ENTPD7: variants seen among roughly 807,000 people sequenced by gnomAD.
ENTPD7 encodes NTPDase 7.
A neutral mutation model predicts 77.9 loss-of-function variants in ENTPD7; 53 were observed. The ratio of observed to expected loss-of-function variants is 0.68; its 90% CI spans 0.55 to 0.85. The LOEUF (loss-of-function observed/expected upper bound fraction) is 0.85. Ranked by LOEUF, ENTPD7 falls within the 40% of genes least tolerant of loss-of-function variation. ENTPD7 has a pLI of 0.00. For missense variants in ENTPD7, 636 were observed against 743.7 expected, an observed-to-expected ratio of 0.86 and a Z score of 1.68; for synonymous variants, 248 against 274.9, an observed-to-expected ratio of 0.90 and a Z score of 0.97.
At chr10:99,695,053 A>G (rs2035948698) in intron 8 of ENTPD7, among the ~76,000 whole-genome samples, 1 of 152,232 alleles carries the variant, frequency 6.6e-6, no homozygotes, top group Admixed American at 6.5e-5. Context: ...AAATAAAGCA[A>G]AAGAGAGGCT....
At chr10:99,672,288 A>G (rs116296169) in intron 3 of ENTPD7, among the ~76,000 whole-genome samples, 1,508 of 146,408 alleles carry the variant, frequency 0.01, 21 homozygotes, top group Middle Eastern at 0.046. Context: ...TCTGTCCCAC[A>G]TTTATTCAGT....
intron 11 of ENTPD7, among the ~76,000 whole-genome samples, 192 bp downstream of exon 11, chr10:99,701,250 CCAAA>C (rs1369786154): frequency 2.6e-5 from 4 of 151,692 alleles, no homozygotes; most frequent in Non-Finnish European, 4.4e-5. Context: ...TCAGTGGTTA[CCAAA>C]CAGAGTTCTC....
chr10:99,703,765 G>A (rs1347995323), intron 12 of ENTPD7, among the ~76,000 whole-genome samples: 1 of 152,146 alleles, frequency 6.6e-6, no homozygotes, highest in African/African-American at 2.4e-5. Context: ...TGCCCAGGCT[G>A]AGTGTGGTGG....
chr10:99,697,635 A>C (rs141968340), intron 9 of ENTPD7: 1 of 156,564 alleles, frequency 6.4e-6, no homozygotes, highest in African/African-American at 2.4e-5. Context: ...CAATTTTCTG[A>C]GTTTTCCTTA....
intron 5 of ENTPD7, among the ~76,000 whole-genome samples, chr10:99,685,342 C>T (rs527244640): frequency 1.3e-5 from 2 of 152,286 alleles, no homozygotes; most frequent in African/African-American, 4.8e-5. Flanking sequence ...TAATGTGAAG[C>T]ATTGTTTCTA....
At chr10:99,699,799 C>G (rs2036073411) in intron 10 of ENTPD7, among the ~76,000 whole-genome samples, 1 of 152,164 alleles carries the variant, frequency 6.6e-6, no homozygotes, top group Non-Finnish European at 1.5e-5. Flanking sequence ...CTCCTGGCCT[C>G]AGGTGATCTG....
At position 99,675,556 on chromosome 10, in the gene ENTPD7, G is replaced by C. The variant is rs532185081; in HGVS notation, c.192-3705G>C. On this transcript the variant is annotated intron_variant, in intron 3 of 12. Coordinates refer to ENST00000370489, the MANE Select transcript of ENTPD7 (RefSeq NM_020354.5). ...CCAATTGCAACTCATCTTTTTTTAG[G>C]GGGGTGGGGTGGGGTGGGGTTTAGA... 4.0e-5 allele frequency among the ~76,000 whole-genome samples: 6 copies of C among 148,940 alleles called. No homozygotes were observed. The East Asian group carries it at 1.2e-3, about 29-fold the overall frequency.
At chr10:99,690,131 C>G (rs1374706417) in intron 7 of ENTPD7, among the ~76,000 whole-genome samples, 1 of 152,022 alleles carries the variant, frequency 6.6e-6, no homozygotes, top group Non-Finnish European at 1.5e-5. Context: ...TTAATATGAC[C>G]CCAATACTCT....
chr10:99,674,274 G>A (rs748684021), intron 3 of ENTPD7, among the ~76,000 whole-genome samples: 48 of 152,158 alleles, frequency 3.2e-4, no homozygotes, highest in African/African-American at 1.1e-3. Flanking sequence ...CTGTGAGGGT[G>A]AAACTATTTT....
At chr10:99,663,522 C>T (rs1034539730) in intron 3 of ENTPD7, among the ~76,000 whole-genome samples, 4 of 149,204 alleles carry the variant, frequency 2.7e-5, no homozygotes, top group Non-Finnish European at 5.9e-5. Flanking sequence ...TGCAATGGTG[C>T]AATCATAGCC....
At position 99,691,162 on chromosome 10, in the gene ENTPD7, A is replaced by T. The variant is rs200496455; in HGVS notation, c.710-223A>T. On this transcript the variant is annotated intron_variant, in intron 7 of 12. Coordinates refer to ENST00000370489, the MANE Select transcript of ENTPD7 (RefSeq NM_020354.5). ...CCACCATGCCCAGCTAATTAAAAAA[A>T]ATTTTTTTTTTTTATGAGAGTGTCT... Among the ~76,000 whole-genome samples, 986 of 151,224 alleles carry T rather than the reference A, an allele frequency of 6.5e-3. 4 individuals carry two copies. The highest frequency in any genetic ancestry group is 0.011 in the East Asian group (55 of 5,148).
At chr10:99,685,186 G>A (rs2035796892) in intron 5 of ENTPD7, among the ~76,000 whole-genome samples, 1 of 152,200 alleles carries the variant, frequency 6.6e-6, no homozygotes, top group South Asian at 2.1e-4. Flanking sequence ...GAACCTGGGA[G>A]GCAGAGGTTG....
In ENTPD7 at chr10:99,679,298, A is replaced by G; in HGVS notation, c.229A>G (p.Thr77Ala). The G allele has an allele frequency of 6.2e-7, 1 of 1,614,156 alleles. No homozygotes were observed. The highest frequency in any genetic ancestry group is 8.5e-7 in the Non-Finnish European group (1 of 1,180,022). ...AGTAGGGGAGCTTGAAGCTACTGAC[A>G]CTGAAGACCCAAATCTGAATTATGG... ...ARVGELEATD[T>A]EDPNLNYGLV... The change falls in exon 4 of 13, where the codon ACT (threonine) becomes GCT (alanine). Residue 77 changes from threonine (T) to alanine (A), a missense_variant. This residue lies in a region of ENTPD7 where 486 missense variants were observed against 556.5 expected (regional missense o/e 0.87). Coordinates refer to ENST00000370489, the MANE Select transcript of ENTPD7 (RefSeq NM_020354.5).
At position 99,708,832 on chromosome 10, in the gene ENTPD7, CT is replaced by C; in HGVS notation, c.*4152del. The C allele has an allele frequency of 1.0e-6, 1 of 985,436 alleles. No homozygotes were observed. The highest frequency in any genetic ancestry group is 1.2e-6 in the Non-Finnish European group (1 of 829,916). 61.0% of individuals were successfully genotyped at this position (985,436 alleles called of 1,614,324 possible). ...AGTGACTGGCCTCCTAGCCCAACTA[CT>C]TTGTCAGCTACAATGAAATGCTCAT... is the stretch of plus-strand genomic sequence containing the variant. On this transcript the variant is annotated 3_prime_UTR_variant, in exon 13 of 13. Coordinates refer to ENST00000370489, the MANE Select transcript of ENTPD7 (RefSeq NM_020354.5).
Position 99,661,616 on chromosome 10 carries a change from G to C in ENTPD7, c.179G>C (p.Arg60Thr). The change falls in exon 3 of 13, where the codon AGG (arginine) becomes ACG (threonine). Residue 60 changes from arginine to threonine, a missense_variant. Physicochemically the swap from Arg to Thr is moderately conservative, Grantham distance 71. This residue lies in a region of ENTPD7 where 486 missense variants were observed against 556.5 expected (regional missense o/e 0.87). Coordinates refer to ENST00000370489, the MANE Select transcript of ENTPD7 (RefSeq NM_020354.5). ...RHWSASLPRDRQYERYLARVG... is the reference protein window; with the variant it reads ...RHWSASLPRDTQYERYLARVG... ...TGGAGTGCTTCATTACCACGAGATA[G>C]GCAATACGAAAGGTGAGTCAGCTTT... is the stretch of plus-strand genomic sequence containing the variant. 1 of 1,606,636 alleles carries C rather than the reference G, an allele frequency of 6.2e-7. No individual in the cohort carries two copies. Among genetic ancestry groups the C allele is most frequent in the Non-Finnish European group, 8.5e-7 (1 of 1,177,426 alleles).
intron 9 of ENTPD7, among the ~76,000 whole-genome samples, chr10:99,696,639 A>G (rs1197262926): frequency 2.0e-5 from 3 of 152,204 alleles, no homozygotes; most frequent in Admixed American, 1.3e-4. Flanking sequence ...TGGACAGATC[A>G]CAGATTCTTC....
At chr10:99,677,991 T>C (rs1226786828) in intron 3 of ENTPD7, among the ~76,000 whole-genome samples, 3 of 152,138 alleles carry the variant, frequency 2.0e-5, no homozygotes, top group African/African-American at 4.8e-5. Context: ...CAGCCAGATA[T>C]CTTGGAATGA....
chr10:99,701,094 TAAAA>T, intron 11 of ENTPD7, 36 bp downstream of exon 11: 5 of 1,511,178 alleles, frequency 3.3e-6, no homozygotes, highest in Non-Finnish European at 4.6e-6. Flanking sequence ...GATGTGGACT[TAAAA>T]TCTAGATGGC....
At chr10:99,686,575 A>G (rs550378200) in intron 6 of ENTPD7, among the ~76,000 whole-genome samples, 44 of 152,156 alleles carry the variant, frequency 2.9e-4, no homozygotes, top group African/African-American at 1.0e-3. Context: ...TGATCTTCTT[A>G]ATATTCTATT....
Sources: allele counts gnomAD v4.1 joint callset (sites outside exome capture counted in the v4.1 genomes callset), GRCh38; gene constraint gnomAD v4.1.1; regional missense constraint gnomAD v4.1.1; transcripts MANE v1.5; gene names NCBI Gene and HGNC (gene_info 2026-07-23, HGNC 2026-07-21).